Variants in ARFIP1 observed in about 807,000 individuals in gnomAD.
The protein encoded by ARFIP1 is arfaptin-1.
ARFIP1 carries 24 observed loss-of-function variants against 42.5 expected under a neutral mutation model. The ratio of observed to expected loss-of-function variants is 0.57; its 90% CI spans 0.41 to 0.80. The LOEUF (loss-of-function observed/expected upper bound fraction) is 0.80. Among genes scored for constraint, ARFIP1 ranks in the 30% least tolerant of loss-of-function variants. ARFIP1 has a pLI of 0.00. For missense variants in ARFIP1, 354 were observed against 434.0 expected (o/e 0.82, Z 1.64); for synonymous variants, 141 against 153.7 (o/e 0.92, Z 0.61).
At chr4:152,862,842 T>C (rs1734001121) in intron 2 of ARFIP1, among the ~76,000 whole-genome samples, 1 of 152,212 alleles carries the variant, frequency 6.6e-6, no homozygotes, top group African/African-American at 2.4e-5. Flanking sequence ...TAGCCTCAGC[T>C]TTACTTCTTG....
chr4:152,793,689 G>A (rs1030463012), intron 1 of ARFIP1, among the ~76,000 whole-genome samples: 14 of 152,188 alleles, frequency 9.2e-5, no homozygotes, highest in Middle Eastern at 3.4e-3. Context: ...TATCTGAGGC[G>A]GAGTAATTTA....
chr4:152,790,895 G>T (rs1183843717), intron 1 of ARFIP1, among the ~76,000 whole-genome samples: 1 of 151,434 alleles, frequency 6.6e-6, no homozygotes, highest in African/African-American at 2.4e-5. Flanking sequence ...ACCATGCCTG[G>T]CTCATTTTTG....
chr4:152,852,406 G>A (rs1048479689), intron 2 of ARFIP1, among the ~76,000 whole-genome samples: 10 of 152,208 alleles, frequency 6.6e-5, no homozygotes, highest in Non-Finnish European at 8.8e-5. Context: ...TGAGGCGGGC[G>A]GATTGTCAGA....
chr4:152,838,902 T>A (rs1731858054), intron 2 of ARFIP1, among the ~76,000 whole-genome samples: 2 of 152,216 alleles, frequency 1.3e-5, no homozygotes, highest in African/African-American at 4.8e-5. Context: ...TTCAGTATTA[T>A]GTTGGCTGTG....
At chr4:152,789,489 G>C (rs1370808679) in intron 1 of ARFIP1, among the ~76,000 whole-genome samples, 1 of 152,124 alleles carries the variant, frequency 6.6e-6, no homozygotes, top group Non-Finnish European at 1.5e-5. Context: ...AAGTTACTCT[G>C]TTTTCCCCCT....
chr4:152,906,922 G>A (rs1182583169), intron 8 of ARFIP1, among the ~76,000 whole-genome samples: 1 of 152,144 alleles, frequency 6.6e-6, no homozygotes, highest in African/African-American at 2.4e-5. Context: ...TAACTTAAAA[G>A]TTTATTCTCT....
intron 2 of ARFIP1, among the ~76,000 whole-genome samples, chr4:152,851,261 A>C (rs1161119042): frequency 6.6e-6 from 1 of 152,182 alleles, no homozygotes; most frequent in Non-Finnish European, 1.5e-5. Context: ...ACCATGTGAA[A>C]AATGTTGTGC....
intron 2 of ARFIP1, among the ~76,000 whole-genome samples, chr4:152,840,063 G>T (rs921376653): frequency 6.6e-6 from 1 of 152,196 alleles, no homozygotes; most frequent in Non-Finnish European, 1.5e-5. Context: ...GGTATCAAAG[G>T]TTCCTTTTGG....
chr4:152,864,291 T>TTAC (rs1261008409), intron 3 of ARFIP1, among the ~76,000 whole-genome samples: 1 of 152,256 alleles, frequency 6.6e-6, no homozygotes, highest in Admixed American at 6.5e-5. Flanking sequence ...CAAGCTGTTC[T>TTAC]TACATGTCTG....
At chr4:152,861,206 G>A (rs528494943) in intron 2 of ARFIP1, among the ~76,000 whole-genome samples, 24 of 152,270 alleles carry the variant, frequency 1.6e-4, no homozygotes, top group Non-Finnish European at 2.4e-4. Flanking sequence ...GTACCTAATC[G>A]TAATATAGTC....
chr4:152,828,144 A>G (rs1730982375), intron 1 of ARFIP1, among the ~76,000 whole-genome samples: 1 of 152,246 alleles, frequency 6.6e-6, no homozygotes, highest in South Asian at 2.1e-4. Context: ...ATAAATTGTT[A>G]TAAATAAATA....
At chr4:152,885,011 G>A (rs536566631) in intron 7 of ARFIP1, among the ~76,000 whole-genome samples, 7 of 152,034 alleles carry the variant, frequency 4.6e-5, no homozygotes, top group Admixed American at 3.9e-4. Flanking sequence ...ATGTCATCCC[G>A]TAATTTATCC....
chr4:152,798,105 C>T (rs1051196842), intron 1 of ARFIP1, among the ~76,000 whole-genome samples: 1 of 152,076 alleles, frequency 6.6e-6, no homozygotes, highest in African/African-American at 2.4e-5. Flanking sequence ...AAAAAATTAG[C>T]TGGGCATTGT....
Position 152,837,842 on chromosome 4 carries a change from A to C in ARFIP1, c.93+8116A>C, listed in dbSNP as rs1251830799. On this transcript the variant is annotated intron_variant, in intron 2 of 8. Transcript: ENST00000353617. ...TTGCTTTTGGGTTCTTGGTCATGAA[A>C]TCCTTGCCTAAGCCAGTGTCCAGAA... is the stretch of plus-strand genomic sequence containing the variant. 2.0e-5 allele frequency among the ~76,000 whole-genome samples: 3 copies of C among 152,146 alleles called. No homozygotes were observed. The East Asian group carries it at 5.8e-4, about 29-fold the overall frequency.
chr4:152,900,216 A>G (rs534797018), intron 8 of ARFIP1, among the ~76,000 whole-genome samples: 3 of 152,256 alleles, frequency 2.0e-5, no homozygotes, highest in Non-Finnish European at 2.9e-5. Flanking sequence ...AAAAACATAG[A>G]ACAAAAAAGG....
At chr4:152,793,495 C>A (rs1454973933) in intron 1 of ARFIP1, among the ~76,000 whole-genome samples, 2 of 151,728 alleles carry the variant, frequency 1.3e-5, no homozygotes, top group Non-Finnish European at 2.9e-5. Flanking sequence ...GTTCCAAGAC[C>A]CACATACCTG....
intron 5 of ARFIP1, among the ~76,000 whole-genome samples, chr4:152,874,509 C>T (rs1735158988): frequency 6.6e-6 from 1 of 152,166 alleles, no homozygotes; most frequent in Non-Finnish European, 1.5e-5. Context: ...GTGTAATGAC[C>T]TCATGGGGTC....
At chr4:152,821,364 C>T (rs1033919004) in intron 1 of ARFIP1, among the ~76,000 whole-genome samples, 1 of 152,082 alleles carries the variant, frequency 6.6e-6, no homozygotes, top group Non-Finnish European at 1.5e-5. Context: ...CAAGCTTTAA[C>T]AATAGACTAG....
At chr4:152,838,411 G>A (rs1485136151) in intron 2 of ARFIP1, among the ~76,000 whole-genome samples, 3 of 152,110 alleles carry the variant, frequency 2.0e-5, no homozygotes, top group Non-Finnish European at 4.4e-5. Context: ...ATGAGTATGG[G>A]ATGTGTTTCC....
Sources: gnomAD v4.1 joint callset for allele counts (sites outside exome capture counted in the v4.1 genomes callset) on GRCh38, gnomAD v4.1.1 for gene constraint, MANE v1.5 for transcripts, NCBI Gene and HGNC (gene_info 2026-07-23, HGNC 2026-07-21) for gene names.